Variants in AXIN1 observed in about 807,000 individuals in gnomAD.
AXIN1 encodes the protein axin 1.
AXIN1 carries 30 observed loss-of-function variants against 76.4 expected under a neutral mutation model. The ratio of observed to expected loss-of-function variants is 0.39; its 90% CI spans 0.29 to 0.53. The LOEUF (loss-of-function observed/expected upper bound fraction) is 0.53. AXIN1 is among the 20% of genes least tolerant of loss of function. The probability of loss-of-function intolerance (pLI) is 0.66; values close to 1 mark genes in which losing one functional copy is unlikely to be tolerated. For missense variants in AXIN1, 1,140 were observed against 1,198.8 expected (o/e 0.95, Z 0.72); for synonymous variants, 545 against 501.4 (o/e 1.09, Z -1.16).
chr16:321,241 C>T (rs1400955080), intron 2 of AXIN1, among the ~76,000 whole-genome samples: 3 of 151,174 alleles, frequency 2.0e-5, no homozygotes, highest in Non-Finnish European at 4.4e-5. Context: ...AGCCGCCACC[C>T]TCCCTGGTAG....
chr16:335,196 C>T (rs896022542), intron 2 of AXIN1, among the ~76,000 whole-genome samples: 1 of 152,192 alleles, frequency 6.6e-6, no homozygotes. Flanking sequence ...CACTGCACCA[C>T]GAAGCTATAA....
chr16:329,912 C>T lies in AXIN1; in HGVS notation c.879-15229G>A, dbSNP rs531812641. Among the ~76,000 whole-genome samples the T allele has an allele frequency of 2.6e-5, 4 of 151,612 alleles. No homozygotes were observed. The South Asian group carries it at 6.2e-4, about 24-fold the overall frequency. ...CCTCCCAGAGTGCTGGGATAACAGG[C>T]GTGAGCCACCGCGCCTGGCCAATTT... On this transcript the variant is annotated intron_variant, in intron 2 of 10. Transcript: ENST00000262320.
chr16:291,763 C>G (rs2052567082), intron 8 of AXIN1: 1 of 292,442 alleles, frequency 3.4e-6, no homozygotes, highest in African/African-American at 2.2e-5. Context: ...CATCCTGGGG[C>G]AGCACAGCAG....
At chr16:342,383 C>T (rs879205469) in intron 2 of AXIN1, among the ~76,000 whole-genome samples, 9 of 152,166 alleles carry the variant, frequency 5.9e-5, no homozygotes, top group African/African-American at 9.7e-5. Context: ...CCACCAATTC[C>T]GGACACACCG....
At chr16:304,530 G>A (rs2141548581) in intron 4 of AXIN1, 89 bp from the exon 5 acceptor site, 1 of 1,574,242 alleles carries the variant, frequency 6.4e-7, no homozygotes, top group Non-Finnish European at 8.7e-7. Context: ...TGCTATCTCT[G>A]TTGTATTTTA....
chr16:322,765 T>C (rs1249440184), intron 2 of AXIN1, among the ~76,000 whole-genome samples: 1 of 152,152 alleles, frequency 6.6e-6, no homozygotes, highest in Admixed American at 6.5e-5. Context: ...GGTGGACGGA[T>C]GAGTGCATCC....
At chr16:300,241 C>T (rs1020643823) in intron 5 of AXIN1, among the ~76,000 whole-genome samples, 4 of 152,148 alleles carry the variant, frequency 2.6e-5, no homozygotes, top group African/African-American at 7.2e-5. Context: ...CACACCTAAT[C>T]GCAGTGGTGC....
At chr16:350,429 G>C (rs1266239812) in intron 1 of AXIN1, among the ~76,000 whole-genome samples, 1 of 152,194 alleles carries the variant, frequency 6.6e-6, no homozygotes, top group Admixed American at 6.5e-5. Flanking sequence ...AAAACGGGCG[G>C]GATGCCTACA....
intron 2 of AXIN1, among the ~76,000 whole-genome samples, chr16:323,791 C>CAG (rs1217219601): frequency 4.0e-5 from 6 of 151,794 alleles, no homozygotes; most frequent in Non-Finnish European, 1.5e-5. Flanking sequence ...CACACACACA[C>CAG]ACACACACAC....
chr16:291,321 G>A (rs2052554608), intron 8 of AXIN1, 24 bp from the exon 9 acceptor site: 3 of 1,552,106 alleles, frequency 1.9e-6, no homozygotes, highest in Non-Finnish European at 2.6e-6. Context: ...CGCGTCAAAG[G>A]TGGCTGTGCC....
intron 2 of AXIN1, among the ~76,000 whole-genome samples, chr16:338,522 G>A (rs565718928): frequency 3.0e-3 from 455 of 152,370 alleles, no homozygotes; most frequent in Non-Finnish European, 5.1e-3. Flanking sequence ...GGCAACTACA[G>A]ATACTTTCGT....
At chr16:320,743 A>ATATATATATATATATTT (rs397722732) in intron 2 of AXIN1, among the ~76,000 whole-genome samples, 1 of 107,664 alleles carries the variant, frequency 9.3e-6, no homozygotes, top group African/African-American at 4.6e-5. Flanking sequence ...ATATATATAT[A>ATATATATATATATATTT]TTTTTTTTTT....
Position 297,969 on chromosome 16 carries a change from G to A in AXIN1, c.1537C>T (p.His513Tyr). 6.2e-7 allele frequency: 1 copy of A among 1,601,754 alleles called. No homozygotes were observed. The highest frequency in any genetic ancestry group is 8.5e-7 in the Non-Finnish European group (1 of 1,177,204). The part of the protein sequence containing the change: ...PVALGGAASG[H>Y]GKHVPKSGAK... Reference sequence around the variant, plus strand: ...CCTGACTTGGGTACGTGCTTCCCGTGCCCCGAGGCGGCACCCCCCAGTGCC... The same window carrying A: ...CCTGACTTGGGTACGTGCTTCCCGTACCCCGAGGCGGCACCCCCCAGTGCC... The change falls in exon 6 of 11, where the codon CAC (histidine) becomes TAC (tyrosine). Residue 513 changes from histidine to tyrosine, a missense_variant. Physicochemically the swap from His to Tyr is moderately conservative, Grantham distance 83. Transcript: ENST00000262320.
At chr16:296,628 G>A (rs1442864793) in intron 7 of AXIN1, among the ~76,000 whole-genome samples, 1 of 152,234 alleles carries the variant, frequency 6.6e-6, no homozygotes, top group African/African-American at 2.4e-5. Flanking sequence ...CGCTACACAA[G>A]AGCCTTCCCC....
At chr16:350,722 T>A (rs1289832550) in intron 1 of AXIN1, among the ~76,000 whole-genome samples, 1 of 152,204 alleles carries the variant, frequency 6.6e-6, no homozygotes, top group Admixed American at 6.5e-5. Context: ...TCCGAAAAAG[T>A]CTGCTTAGCT....
intron 7 of AXIN1, among the ~76,000 whole-genome samples, chr16:295,945 C>A (rs532463801): frequency 2.5e-4 from 37 of 150,746 alleles, no homozygotes; most frequent in African/African-American, 8.6e-4. Context: ...CCAGCCCGGG[C>A]GACAGAGCTA....
In AXIN1 at chr16:297,976, G is replaced by A. The variant is rs534041495; in HGVS notation, c.1530C>T (p.Ala510=). Residue 510 remains alanine, a synonymous_variant, in exon 6 of 11, where the codon GCC becomes GCT. Coordinates refer to ENST00000262320, the MANE Select transcript of AXIN1 (RefSeq NM_003502.4). ...TGGGTACGTGCTTCCCGTGCCCCGA[G>A]GCGGCACCCCCCAGTGCCACTGGCA... is the stretch of plus-strand genomic sequence containing the variant. ...AKMPVALGGA[A]SGHGKHVPKS... 6 of 1,601,442 alleles carry A rather than the reference G, an allele frequency of 3.7e-6. No individual in the cohort carries two copies. Among genetic ancestry groups the A allele is most frequent in the Admixed American group, 1.7e-5 (1 of 59,830 alleles).
chr16:324,192 G>C (rs551026560), intron 2 of AXIN1, among the ~76,000 whole-genome samples: 1 of 152,214 alleles, frequency 6.6e-6, no homozygotes, highest in South Asian at 2.1e-4. Flanking sequence ...GCCGCCTTAC[G>C]GGTCTTTACG....
In AXIN1 at chr16:289,626, C is replaced by T. The variant is rs774996097; in HGVS notation, c.2295-19G>A. ...TCTTGTCCTGGGGAAAGAGATGCAG[C>T]GGTGGTACCTGGTTTTGGACTGAGG... is the stretch of plus-strand genomic sequence containing the variant. On this transcript the variant is annotated intron_variant, in intron 9 of 10. Coordinates refer to ENST00000262320, the MANE Select transcript of AXIN1 (RefSeq NM_003502.4). 40 of 1,612,142 alleles carry T rather than the reference C, an allele frequency of 2.5e-5. No individual in the cohort carries two copies. Among genetic ancestry groups the T allele is most frequent in the Admixed American group, 1.5e-4 (9 of 59,972 alleles).
Sources: allele counts gnomAD v4.1 joint callset (sites outside exome capture counted in the v4.1 genomes callset), GRCh38; gene constraint gnomAD v4.1.1; transcripts MANE v1.5; gene names NCBI Gene and HGNC (gene_info 2026-07-23, HGNC 2026-07-21).